PTPRJ: variants seen among roughly 807,000 people sequenced by gnomAD.
PTPRJ encodes the protein receptor-type tyrosine-protein phosphatase eta.
Under a neutral mutation model 141.3 loss-of-function variants are expected in PTPRJ, and 129 were observed. That is an observed-to-expected ratio of 0.91 (90% CI 0.79 to 1.06). PTPRJ has a LOEUF of 1.06. Among genes scored for constraint, PTPRJ ranks in the 50% least tolerant of loss-of-function variants. PTPRJ has a pLI of 0.00. For missense variants in PTPRJ, 1,601 were observed against 1,679.7 expected (o/e 0.95, Z 0.82); for synonymous variants, 610 against 640.5 (o/e 0.95, Z 0.72).
intron 1 of PTPRJ, among the ~76,000 whole-genome samples, chr11:48,015,583 A>G (rs188788874): frequency 1.3e-3 from 205 of 152,238 alleles, no homozygotes; most frequent in African/African-American, 4.7e-3. Flanking sequence ...AAATTTTAAA[A>G]ATAATGGTGA....
intron 1 of PTPRJ, among the ~76,000 whole-genome samples, chr11:48,071,388 C>T (rs917773635): frequency 1.3e-5 from 2 of 151,904 alleles, no homozygotes; most frequent in African/African-American, 4.8e-5. Flanking sequence ...GCTATCTTGG[C>T]TCACTGCACC....
intron 1 of PTPRJ, among the ~76,000 whole-genome samples, chr11:48,106,602 G>A (rs538821510): frequency 1.3e-5 from 2 of 152,276 alleles, no homozygotes; most frequent in African/African-American, 4.8e-5. Flanking sequence ...GAGAGGGGAA[G>A]AGGAGAATAC....
intron 1 of PTPRJ, among the ~76,000 whole-genome samples, chr11:48,093,952 C>G (rs577493121): frequency 1.3e-5 from 2 of 152,284 alleles, no homozygotes; most frequent in South Asian, 4.1e-4. Flanking sequence ...TGGAGAAAGC[C>G]CAGCATTAAC....
In PTPRJ at chr11:48,126,886, C is replaced by T. The variant is rs1433774404; in HGVS notation, c.1094-894C>T. ...TTTTCAAGTGACTAGTTAGGTGGGG[C>T]AGGGTTAAGGAAACCATCAGAGGAC... is the stretch of plus-strand genomic sequence containing the variant. On this transcript the variant is annotated intron_variant, in intron 6 of 24. Coordinates refer to ENST00000418331, the MANE Select transcript of PTPRJ (RefSeq NM_002843.4). 5.3e-5 allele frequency among the ~76,000 whole-genome samples: 8 copies of T among 151,926 alleles called. No homozygotes were observed. The East Asian group carries it at 1.2e-3, about 22-fold the overall frequency.
chr11:48,038,930 C>G (rs1283293679), intron 1 of PTPRJ, among the ~76,000 whole-genome samples: 4 of 150,666 alleles, frequency 2.7e-5, no homozygotes, highest in Non-Finnish European at 3.0e-5. Context: ...AAGTGGATCA[C>G]TTGAGGTCAG....
chr11:48,090,173 G>C (rs1855830574), intron 1 of PTPRJ, among the ~76,000 whole-genome samples: 1 of 152,182 alleles, frequency 6.6e-6, no homozygotes, highest in African/African-American at 2.4e-5. Flanking sequence ...CTCGAGGGCA[G>C]ACACAGCACT....
intron 1 of PTPRJ, among the ~76,000 whole-genome samples, chr11:48,095,369 T>G (rs1256090653): frequency 6.6e-6 from 1 of 152,220 alleles, no homozygotes; most frequent in African/African-American, 2.4e-5. Context: ...CTTTCTGTAA[T>G]GCAATTTATT....
chr11:48,138,860 GC>G (rs1857165267), intron 10 of PTPRJ, among the ~76,000 whole-genome samples: 1 of 152,128 alleles, frequency 6.6e-6, no homozygotes, highest in Non-Finnish European at 1.5e-5. Context: ...CCTTGGCTGG[GC>G]TGGTGGCTCA....
At position 48,141,098 on chromosome 11, in the gene PTPRJ, GGAGGCT is replaced by G. The variant is rs199966017; in HGVS notation, c.2443+1327_2443+1332del. 1.0e-2 allele frequency among the ~76,000 whole-genome samples: 1,517 copies of G among 152,290 alleles called. 20 individuals are homozygous for G. Among genetic ancestry groups the G allele is most frequent in the African/African-American group, 0.035 (1,436 of 41,558 alleles). On this transcript the variant is annotated intron_variant, in intron 11 of 24. Coordinates refer to ENST00000418331, the MANE Select transcript of PTPRJ (RefSeq NM_002843.4). ...TTATGCCTGTAATCCCAGCACTTTG[GGAGGCT>G]GAGGTGGGAGGATTGCTTGAGCCAG... is the stretch of plus-strand genomic sequence containing the variant.
intron 1 of PTPRJ, among the ~76,000 whole-genome samples, chr11:48,080,855 A>G (rs1855539200): frequency 6.6e-6 from 1 of 152,254 alleles, no homozygotes; most frequent in Non-Finnish European, 1.5e-5. Flanking sequence ...CCTAAGGCCA[A>G]GAGCATGTGC....
At chr11:47,986,166 AAC>A (rs1222485152) in intron 1 of PTPRJ, among the ~76,000 whole-genome samples, 1 of 152,140 alleles carries the variant, frequency 6.6e-6, no homozygotes, top group Non-Finnish European at 1.5e-5. Flanking sequence ...CTCCATTTGT[AAC>A]ACAGAGAACC....
Position 48,150,152 on chromosome 11 carries a change from A to G in PTPRJ, c.3107A>G (p.Asp1036Gly). Residue 1036 changes from aspartate (D) to glycine (G), a missense_variant, in exon 18 of 25, where the codon GAC becomes GGC. By Grantham distance (94) the Asp-to-Gly change is moderately conservative. Coordinates refer to ENST00000418331, the MANE Select transcript of PTPRJ (RefSeq NM_002843.4). ...GCCTACTTCAAGAAGCAGCAAGCTG[A>G]CTCCAACTGTGGGTTCGCAGAGGAA... is the stretch of plus-strand genomic sequence containing the variant. ...FEAYFKKQQA[D>G]SNCGFAEEYE... The G allele has an allele frequency of 6.2e-7, 1 of 1,614,060 alleles. No individual in the cohort carries two copies. The highest frequency in any genetic ancestry group is 8.5e-7 in the Non-Finnish European group (1 of 1,179,970).
chr11:48,031,023 G>C (rs1050796116), intron 1 of PTPRJ, among the ~76,000 whole-genome samples: 17 of 152,174 alleles, frequency 1.1e-4, no homozygotes, highest in Non-Finnish European at 2.5e-4. Flanking sequence ...TGTTTTCAAA[G>C]TACTGAAACA....
At chr11:48,048,088 T>C (rs998494557) in intron 1 of PTPRJ, among the ~76,000 whole-genome samples, 10 of 152,020 alleles carry the variant, frequency 6.6e-5, no homozygotes, top group African/African-American at 1.9e-4. Context: ...TTGGAGGGGG[T>C]TGCAGTTTAG....
intron 1 of PTPRJ, among the ~76,000 whole-genome samples, chr11:47,992,386 G>A (rs987208567): frequency 6.6e-6 from 1 of 152,106 alleles, no homozygotes; most frequent in Non-Finnish European, 1.5e-5. Flanking sequence ...TGTTGGCCAG[G>A]CTGGTCTGGA....
rs1016153244 is a variant in PTPRJ, at chr11:48,137,156, A to G, written c.2027A>G (p.Asp676Gly). 2 of 1,613,032 alleles carry G rather than the reference A, an allele frequency of 1.2e-6. No individual in the cohort carries two copies. Residue 676 changes from aspartate to glycine, a missense_variant, in exon 10 of 25, where the codon GAC becomes GGC. Coordinates refer to ENST00000418331, the MANE Select transcript of PTPRJ (RefSeq NM_002843.4). ...AGCAACGCAACACAAGTAGTCACGG[A>G]CATTGGAATTACTGACGCTACAGTC... ...NSSNATQVVTDIGITDATVTE... is the reference protein window; with the variant it reads ...NSSNATQVVTGIGITDATVTE...
chr11:48,095,995 C>T (rs993120171), intron 1 of PTPRJ, among the ~76,000 whole-genome samples: 2 of 152,224 alleles, frequency 1.3e-5, no homozygotes, highest in Non-Finnish European at 2.9e-5. Flanking sequence ...GAATTGGTGG[C>T]TCACCCATGG....
chr11:48,101,833 G>C (rs1856157692), intron 1 of PTPRJ, among the ~76,000 whole-genome samples: 1 of 152,216 alleles, frequency 6.6e-6, no homozygotes, highest in Non-Finnish European at 1.5e-5. Context: ...GCAGCCAGAA[G>C]TCTTCAACTG....
At chr11:48,162,109 A>G (rs533489409) in intron 22 of PTPRJ, among the ~76,000 whole-genome samples, 3 of 152,110 alleles carry the variant, frequency 2.0e-5, no homozygotes, top group Non-Finnish European at 2.9e-5. Flanking sequence ...ATGTTTTTCC[A>G]CTAAAGCCTT....
Sources: gnomAD v4.1 joint callset for allele counts (sites outside exome capture counted in the v4.1 genomes callset) on GRCh38, gnomAD v4.1.1 for gene constraint, MANE v1.5 for transcripts, NCBI Gene and HGNC (gene_info 2026-07-23, HGNC 2026-07-21) for gene names.